NBEAL1: variants seen among roughly 807,000 people sequenced by gnomAD.
The protein encoded by NBEAL1 is neurobeachin-like protein 1.
In NBEAL1, 273 loss-of-function variants were observed where a neutral mutation model predicts 351.3. The ratio of observed to expected loss-of-function variants is 0.78; its 90% CI spans 0.70 to 0.86. The LOEUF (loss-of-function observed/expected upper bound fraction) is 0.86, where lower values mean the gene tolerates loss of function less well. Among genes scored for constraint, NBEAL1 ranks in the 40% least tolerant of loss-of-function variants. The pLI is 0.00. For synonymous variants in NBEAL1, 1,050 were observed against 1,086.4 expected, an observed-to-expected ratio of 0.97 and a Z score of 0.66; for missense variants, 2,961 against 3,201.3, an observed-to-expected ratio of 0.92 and a Z score of 1.81.
chr2:203,039,463 G>A (rs1446216618), intron 2 of NBEAL1, among the ~76,000 whole-genome samples: 1 of 145,878 alleles, frequency 6.9e-6, no homozygotes, highest in Non-Finnish European at 1.5e-5. Flanking sequence ...GAGTGCAGTA[G>A]CATGATCTCA....
At chr2:203,105,274 AAC>A (rs2106224726) in intron 12 of NBEAL1, among the ~76,000 whole-genome samples, 1 of 151,978 alleles carries the variant, frequency 6.6e-6, no homozygotes, top group Non-Finnish European at 1.5e-5. Flanking sequence ...CATCGTGGCT[AAC>A]ACAGTGAAAC....
chr2:203,039,239 CCCTTCCCTT>C, intron 2 of NBEAL1, among the ~76,000 whole-genome samples: 1 of 56,352 alleles, frequency 1.8e-5, no homozygotes, highest in Non-Finnish European at 3.7e-5. Flanking sequence ...CCCTTCCCTT[CCCTTCCCTT>C]CCCTTCCCTT....
In NBEAL1 at chr2:203,017,103, G is replaced by C. The variant is rs149554856; in HGVS notation, c.51+668G>C. Among the ~76,000 whole-genome samples, 40 of 152,124 alleles carry C rather than the reference G, an allele frequency of 2.6e-4. 1 individual carries two copies. Among genetic ancestry groups the C allele is most frequent in the Admixed American group, 7.9e-4 (12 of 15,272 alleles). The stretch of plus-strand genomic sequence containing the variant: ...AGAAATAATGTTCTTTCCCCTCCTT[G>C]TCTTTATGTGAATTTTTACTTGATA... On this transcript the variant is annotated intron_variant, in intron 2 of 55. Transcript: ENST00000683969.
chr2:203,126,829 A>C lies in NBEAL1; in HGVS notation c.3151A>C (p.Ile1051Leu). 6.4e-7 allele frequency: 1 copy of C among 1,551,610 alleles called. No homozygotes were observed. Among genetic ancestry groups the C allele is most frequent in the Non-Finnish European group, 8.7e-7 (1 of 1,146,842 alleles). Residue 1051 changes from isoleucine (I) to leucine (L), a missense_variant, in exon 23 of 56, where the codon ATA (isoleucine) becomes CTA (leucine). Transcript: ENST00000683969. ...CATTGAACTTTTTATTTTAGGTCACATACAGTATCTTTCAACCATCATTAA... is the reference window on the plus strand; with the variant it reads ...CATTGAACTTTTTATTTTAGGTCACCTACAGTATCTTTCAACCATCATTAA... The part of the protein sequence containing the change: ...RGDFPFRIGH[I>L]QYLSTIIKDS...
At chr2:203,175,025 T>C in intron 41 of NBEAL1, 122 bp from the exon 42 acceptor site, 1 of 797,208 alleles carries the variant, frequency 1.3e-6, no homozygotes, top group South Asian at 2.0e-5. Flanking sequence ...AGTTTGATAA[T>C]GAGGCATATG....
intron 18 of NBEAL1, among the ~76,000 whole-genome samples, chr2:203,120,324 T>C (rs774474929): frequency 2.6e-5 from 4 of 152,206 alleles, no homozygotes; most frequent in South Asian, 2.1e-4. Flanking sequence ...TTCCATTGAA[T>C]CCTGGAGTTA....
At chr2:203,174,216 CAAAAAAAAAAAA>C (rs10652390) in intron 41 of NBEAL1, among the ~76,000 whole-genome samples, 26 of 24,614 alleles carry the variant, frequency 1.1e-3, no homozygotes, top group South Asian at 3.4e-3. Flanking sequence ...TTTATACTAG[CAAAAAAAAAAAA>C]AAAAAAAAAA....
intron 27 of NBEAL1, among the ~76,000 whole-genome samples, chr2:203,135,454 TG>T (rs1363767939): frequency 1.3e-5 from 2 of 152,182 alleles, no homozygotes; most frequent in Non-Finnish European, 2.9e-5. Context: ...GATATTTTAG[TG>T]TACTCTTACT....
Position 203,190,398 on chromosome 2 carries a change from ACAACTTAAGAAGTAGATTTAAGT to A in NBEAL1, c.6921+33_6921+55del, listed in dbSNP as rs755558584. On this transcript the variant is annotated intron_variant, in intron 46 of 55. Transcript: ENST00000683969. Reference sequence around the variant, plus strand: ...CCTGTCAATTATTAAAGGTAAGTCAACAACTTAAGAAGTAGATTTAAGTCAACTTAAGAAGTAGATTTAAGTAC... The same window carrying A: ...CCTGTCAATTATTAAAGGTAAGTCAACAACTTAAGAAGTAGATTTAAGTAC... The A allele has an allele frequency of 2.8e-5, 44 of 1,568,944 alleles. 1 individual carries two copies. Among genetic ancestry groups the A allele is most frequent in the Non-Finnish European group, 3.3e-5 (38 of 1,147,052 alleles).
intron 7 of NBEAL1, among the ~76,000 whole-genome samples, chr2:203,076,490 C>CAA (rs201070728): frequency 1.2e-4 from 2 of 17,304 alleles, no homozygotes; most frequent in Non-Finnish European, 3.0e-4. Context: ...AACAAACAAA[C>CAA]AAACAAAAAA....
chr2:203,194,555 C>G (rs1325056290), intron 47 of NBEAL1, among the ~76,000 whole-genome samples: 1 of 152,172 alleles, frequency 6.6e-6, no homozygotes, highest in Non-Finnish European at 1.5e-5. Flanking sequence ...TAAACTCTTT[C>G]TTGTCTCAAA....
rs1196738561 is a variant in NBEAL1 at position 203,125,394 on chromosome 2, T to G, written c.2725T>G (p.Leu909Val). The G allele has an allele frequency of 1.9e-5, 30 of 1,546,184 alleles. No homozygotes were observed. In the South Asian group the frequency reaches 3.6e-4, roughly 19 times the overall value. Residue 909 changes from leucine (L) to valine (V), a missense_variant, in exon 20 of 56, where the codon TTA becomes GTA. By Grantham distance (32) the Leu-to-Val change is conservative. Coordinates refer to ENST00000683969, the MANE Select transcript of NBEAL1 (RefSeq NM_001378026.1). ...AGGTGGGTTAAATGTACTCTTTCCT[T>G]TATTGGAACAAATCAGCCACTTTAG... ...CIGGLNVLFPLLEQISHFSEG... is the reference protein window; with the variant it reads ...CIGGLNVLFPVLEQISHFSEG...
At chr2:203,191,394 A>G (rs893882454) in intron 46 of NBEAL1, 16 of 273,460 alleles carry the variant, frequency 5.9e-5, no homozygotes, top group Non-Finnish European at 1.1e-4. Flanking sequence ...TACTACATAT[A>G]TTTCTTTCCC....
intron 27 of NBEAL1, among the ~76,000 whole-genome samples, chr2:203,135,183 A>C (rs1355707975): frequency 1.3e-5 from 2 of 152,100 alleles, no homozygotes; most frequent in Admixed American, 6.6e-5. Flanking sequence ...AAAAAAAAAA[A>C]AACTTAACTT....
At chr2:203,193,758 AG>A in intron 46 of NBEAL1, 36 bp from the exon 47 acceptor site, 2 of 1,360,202 alleles carry the variant, frequency 1.5e-6, no homozygotes, top group Non-Finnish European at 2.1e-6. Context: ...TTAATAACAT[AG>A]ATATGGAATT....
intron 8 of NBEAL1, among the ~76,000 whole-genome samples, chr2:203,080,447 A>T (rs2061852941): frequency 6.7e-6 from 1 of 150,102 alleles, no homozygotes; most frequent in Non-Finnish European, 1.5e-5. Context: ...TATTAATGCA[A>T]TTCCCCTTTC....
At chr2:203,184,701 G>T (rs1242154028) in intron 44 of NBEAL1, among the ~76,000 whole-genome samples, 1 of 151,400 alleles carries the variant, frequency 6.6e-6, no homozygotes, top group East Asian at 1.9e-4. Context: ...TTCAGAATTT[G>T]ATTATAATAT....
Position 203,225,003 on chromosome 2 carries a change from A to G in NBEAL1, c.*7649A>G, listed in dbSNP as rs899043259. On this transcript the variant is annotated 3_prime_UTR_variant, in exon 56 of 56. Transcript: ENST00000683969. ...TTTTTAAAAAATTCATTGTGTGTAT[A>G]TGAGCTAATACTTGATTTGTTTCTG... 2.6e-5 allele frequency among the ~76,000 whole-genome samples: 4 copies of G among 152,200 alleles called. No homozygotes were observed. The highest frequency in any genetic ancestry group is 2.6e-4 in the Admixed American group (4 of 15,284).
intron 51 of NBEAL1, among the ~76,000 whole-genome samples, chr2:203,207,765 A>G (rs1361335260): frequency 1.3e-5 from 2 of 152,254 alleles, no homozygotes; most frequent in Admixed American, 1.3e-4. Flanking sequence ...ACCCAGGGAC[A>G]CAAACACTGC....
Sources: allele counts gnomAD v4.1 joint callset (sites outside exome capture counted in the v4.1 genomes callset), GRCh38; gene constraint gnomAD v4.1.1; transcripts MANE v1.5; gene names NCBI Gene and HGNC (gene_info 2026-07-23, HGNC 2026-07-21).